DRC4: variants seen among roughly 807,000 people sequenced by gnomAD.
DRC4 encodes the protein dynein regulatory complex subunit 4.
the DRC4 span, among the ~76,000 whole-genome samples, chr16:90,034,230 C>T: frequency 6.6e-6 from 1 of 152,168 alleles, no homozygotes; most frequent in Non-Finnish European, 1.5e-5. Context: ...CGCAGCAAAG[C>T]CTGAGAGTGC....
chr16:90,030,234 TATG>T, the DRC4 span, among the ~76,000 whole-genome samples: 1 of 152,226 alleles, frequency 6.6e-6, no homozygotes, highest in Non-Finnish European at 1.5e-5. Context: ...CATTTAGCAT[TATG>T]ATATGAATTT....
the DRC4 span, chr16:90,031,248 C>A: frequency 6.2e-7 from 1 of 1,607,240 alleles, no homozygotes; most frequent in African/African-American, 1.3e-5. Context: ...GCCCCGTTGC[C>A]GTGCATGGGC....
the DRC4 span, chr16:90,037,784 T>G: frequency 1.2e-6 from 2 of 1,614,152 alleles, no homozygotes; most frequent in Non-Finnish European, 1.7e-6. Context: ...CGTTTGAAAG[T>G]CAGGGAGAAA....
At chr16:90,027,844 C>A in the DRC4 span, 1 of 870,996 alleles carries the variant, frequency 1.1e-6, no homozygotes, top group Non-Finnish European at 1.8e-6. Flanking sequence ...CAGAACACGC[C>A]CCCCGCGTGG....
At chr16:90,024,123 TACACACACACACACACTC>T in the DRC4 span, among the ~76,000 whole-genome samples, 4 of 139,472 alleles carry the variant, frequency 2.9e-5, no homozygotes, top group Admixed American at 7.4e-5. Flanking sequence ...TTACTAAAAA[TACACACACACACACACTC>T]ACACACACAC....
the DRC4 span, chr16:90,037,818 G>T: frequency 1.2e-6 from 2 of 1,614,048 alleles, no homozygotes; most frequent in Non-Finnish European, 1.7e-6. Flanking sequence ...TGCAGTGGGA[G>T]CATGAAGTGT....
chr16:90,041,441 G>T, the DRC4 span, among the ~76,000 whole-genome samples: 18 of 152,318 alleles, frequency 1.2e-4, no homozygotes, highest in South Asian at 3.1e-3. Flanking sequence ...TCCCTGCCTC[G>T]CCACGTGGTG....
chr16:90,027,677 C>A, the DRC4 span: 600 of 1,614,148 alleles, frequency 3.7e-4, 4 homozygotes, highest in East Asian at 6.7e-3. Flanking sequence ...CCAAAGGCAC[C>A]CCGATTGTCG....
chr16:90,037,386 A>G, the DRC4 span: 116 of 1,612,810 alleles, frequency 7.2e-5, no homozygotes, highest in South Asian at 1.1e-3. Context: ...GAGAGGGACA[A>G]GCAGATCCTG....
the DRC4 span, chr16:90,027,862 T>G: frequency 1.4e-6 from 1 of 711,438 alleles, no homozygotes; most frequent in Non-Finnish European, 2.4e-6. Flanking sequence ...TGGCCCATAA[T>G]TCCCATCAGC....
the DRC4 span, chr16:90,039,786 A>G: frequency 5.6e-6 from 1 of 178,366 alleles, no homozygotes; most frequent in Non-Finnish European, 1.2e-5. Context: ...GAACAGTTTT[A>G]CTGGCTGGCA....
At chr16:90,032,295 G>A in the DRC4 span, among the ~76,000 whole-genome samples, 1 of 151,654 alleles carries the variant, frequency 6.6e-6, no homozygotes. Context: ...GGACAGGTGA[G>A]GAGGTGTGGT....
the DRC4 span, chr16:90,040,347 C>T: frequency 1.2e-6 from 2 of 1,605,442 alleles, no homozygotes; most frequent in Non-Finnish European, 1.7e-6. Flanking sequence ...CCGCAGCCAT[C>T]CAGGAGGTGC....
chr16:90,032,316 T>A, the DRC4 span, among the ~76,000 whole-genome samples: 1 of 147,006 alleles, frequency 6.8e-6, no homozygotes, highest in Middle Eastern at 3.9e-3. Context: ...ACAGGTGTGG[T>A]GTGGGTGAGC....
chr16:90,044,210 T>C, the DRC4 span: 1 of 453,128 alleles, frequency 2.2e-6, no homozygotes, highest in African/African-American at 2.0e-5. Flanking sequence ...CCCAGAGAGC[T>C]GGAGTTGGCT....
chr16:90,022,707 C>T, the DRC4 span: 38 of 1,423,512 alleles, frequency 2.7e-5, no homozygotes, highest in Non-Finnish European at 3.2e-5. Context: ...GCCGCTGGGC[C>T]TGTCCGCTGG....
At chr16:90,031,571 A>G in the DRC4 span, 727,636 of 1,443,858 alleles carry the variant, frequency 0.5, 192,137 homozygotes, top group East Asian at 0.99. Flanking sequence ...GTGAGGGTGC[A>G]GGTGGGACAT....
At chr16:90,043,795 C>A in the DRC4 span, 7 of 469,834 alleles carry the variant, frequency 1.5e-5, no homozygotes, top group African/African-American at 1.0e-4. Context: ...GCCGGGACTT[C>A]CCTAGGAAGT....
At chr16:90,028,756 G>A in the DRC4 span, among the ~76,000 whole-genome samples, 1 of 152,152 alleles carries the variant, frequency 6.6e-6, no homozygotes, top group East Asian at 1.9e-4. Context: ...CTGCCTGTGA[G>A]CACCTGACAT....
Sources: allele counts gnomAD v4.1 joint callset (sites outside exome capture counted in the v4.1 genomes callset), GRCh38; gene constraint gnomAD v4.1.1; transcripts MANE v1.5; gene names NCBI Gene and HGNC (gene_info 2026-07-23, HGNC 2026-07-21).